Variants in FHIT observed in about 807,000 individuals in gnomAD.
The protein encoded by FHIT is fragile histidine triad diadenosine triphosphatase.
In FHIT, 19 loss-of-function variants were observed where a neutral mutation model predicts 17.9. The observed-to-expected ratio is 1.06, with a 90% CI of 0.74 to 1.56. The LOEUF is 1.56. FHIT is among the 40% of genes most tolerant of loss of function. FHIT has a pLI of 0.00. For missense variants in FHIT, 248 were observed against 189.2 expected (o/e 1.31, Z -1.82); for synonymous variants, 81 against 69.7 (o/e 1.16, Z -0.81).
intron 6 of FHIT, 36 bp downstream of exon 6, chr3:60,013,971 G>A (rs1559549172): frequency 6.2e-7 from 1 of 1,605,960 alleles, no homozygotes. Context: ...ATATGAAAGG[G>A]AAGAAAAATC....
In FHIT at chr3:61,209,491, T is replaced by C. The variant is rs537295938; in HGVS notation, c.-212-8826A>G. ...GATTTGGTCTTTTCACATAGTCCCA[T>C]ATTTCTTGGAGGCTTTGTTTGTTTC... On this transcript the variant is annotated intron_variant, in intron 1 of 9. Coordinates refer to ENST00000492590, the MANE Select transcript of FHIT (RefSeq NM_002012.4). Among the ~76,000 whole-genome samples, 135 of 151,704 alleles carry C rather than the reference T, an allele frequency of 8.9e-4. 1 individual carries two copies. Among genetic ancestry groups the C allele is most frequent in the African/African-American group, 3.2e-3 (134 of 41,346 alleles).
intron 5 of FHIT, among the ~76,000 whole-genome samples, chr3:60,501,292 T>C (rs1219072677): frequency 1.3e-5 from 2 of 150,082 alleles, no homozygotes; most frequent in African/African-American, 4.9e-5. Flanking sequence ...TAGCCACTAT[T>C]TATCTTATTT....
chr3:59,783,169 G>A (rs1274043359), intron 8 of FHIT, among the ~76,000 whole-genome samples: 1 of 152,092 alleles, frequency 6.6e-6, no homozygotes, highest in East Asian at 1.9e-4. Context: ...ATAGTACACA[G>A]GTTATTAAAA....
intron 5 of FHIT, among the ~76,000 whole-genome samples, chr3:60,519,586 AAATATT>A (rs58920222): frequency 0.35 from 53,423 of 151,756 alleles, 9,523 homozygotes; most frequent in Middle Eastern, 0.44. Context: ...AAACTAGAGA[AAATATT>A]AATATTAAGA....
intron 3 of FHIT, among the ~76,000 whole-genome samples, chr3:60,948,187 C>T (rs1708719945): frequency 6.6e-6 from 1 of 152,070 alleles, no homozygotes; most frequent in Non-Finnish European, 1.5e-5. Context: ...TCTTACAGGC[C>T]CATTCATCCC....
rs575665916 is a variant in FHIT at position 60,180,463 on chromosome 3, T to C, written c.104-166311A>G. On this transcript the variant is annotated intron_variant, in intron 5 of 9. Transcript: ENST00000492590. The stretch of plus-strand genomic sequence containing the variant: ...TCCCTGAAAGAAATGAAAAGAAAGC[T>C]GAAGGAATTTTCATGGAGACAAAAT... Among the ~76,000 whole-genome samples, 3 of 152,210 alleles carry C rather than the reference T, an allele frequency of 2.0e-5. No homozygotes were observed. In the East Asian group the frequency reaches 5.8e-4, roughly 29 times the overall value.
chr3:60,639,344 A>G (rs1022903166), intron 4 of FHIT, among the ~76,000 whole-genome samples: 6 of 152,064 alleles, frequency 3.9e-5, no homozygotes, highest in Non-Finnish European at 1.5e-5. Flanking sequence ...CCCTTGAGAT[A>G]TTTGCAAATT....
At chr3:60,928,231 C>T (rs2107350605) in intron 3 of FHIT, among the ~76,000 whole-genome samples, 1 of 151,966 alleles carries the variant, frequency 6.6e-6, no homozygotes, top group South Asian at 2.1e-4. Flanking sequence ...TGTTTATCTG[C>T]TGACCTTCTC....
intron 3 of FHIT, among the ~76,000 whole-genome samples, chr3:60,883,401 T>C (rs1705061259): frequency 6.6e-6 from 1 of 152,026 alleles, no homozygotes. Flanking sequence ...AGACCCCAAA[T>C]AGCCAAAGCA....
intron 5 of FHIT, among the ~76,000 whole-genome samples, chr3:60,102,743 G>A (rs906435676): frequency 1.3e-5 from 2 of 151,960 alleles, no homozygotes; most frequent in African/African-American, 4.8e-5. Context: ...GGCTCATAAA[G>A]ACCATTGTCA....
At chr3:59,978,757 G>A (rs1218164060) in intron 7 of FHIT, among the ~76,000 whole-genome samples, 1 of 151,128 alleles carries the variant, frequency 6.6e-6, no homozygotes, top group Non-Finnish European at 1.5e-5. Flanking sequence ...GCTCCCCAAA[G>A]CCCATACAGA....
At chr3:59,987,126 T>C (rs1709017084) in intron 7 of FHIT, among the ~76,000 whole-genome samples, 1 of 144,062 alleles carries the variant, frequency 6.9e-6, no homozygotes, top group African/African-American at 2.5e-5. Context: ...TTTATATAGA[T>C]ATAAAATATA....
intron 4 of FHIT, among the ~76,000 whole-genome samples, chr3:60,744,164 C>T (rs1309134166): frequency 3.3e-5 from 5 of 150,420 alleles, no homozygotes; most frequent in South Asian, 2.1e-4. Context: ...TCTCTCTTGC[C>T]GTCCACAGCA....
At chr3:60,166,262 A>G (rs1214860336) in intron 5 of FHIT, among the ~76,000 whole-genome samples, 1 of 152,136 alleles carries the variant, frequency 6.6e-6, no homozygotes, top group African/African-American at 2.4e-5. Context: ...CAGGAAATGT[A>G]TTTTTGAGGA....
chr3:60,261,771 T>A (rs1441455173), intron 5 of FHIT, among the ~76,000 whole-genome samples: 2 of 149,988 alleles, frequency 1.3e-5, no homozygotes, highest in African/African-American at 4.8e-5. Flanking sequence ...CTTCCTGCCC[T>A]TCTCCTCTGA....
At chr3:60,448,943 A>T (rs1419090477) in intron 5 of FHIT, among the ~76,000 whole-genome samples, 1 of 152,154 alleles carries the variant, frequency 6.6e-6, no homozygotes, top group African/African-American at 2.4e-5. Context: ...CCTTCATTCC[A>T]ACCAGTGCTT....
intron 4 of FHIT, among the ~76,000 whole-genome samples, chr3:60,630,895 T>C (rs539664618): frequency 8.4e-6 from 1 of 118,456 alleles, no homozygotes; most frequent in Non-Finnish European, 1.8e-5. Flanking sequence ...TTTTGGAAAA[T>C]AGCCACATGT....
chr3:60,096,540 C>A (rs1703956521), intron 5 of FHIT, among the ~76,000 whole-genome samples: 2 of 152,116 alleles, frequency 1.3e-5, no homozygotes, highest in Admixed American at 6.5e-5. Flanking sequence ...TCTGTTGGTT[C>A]GGAGGTGGGA....
At chr3:60,709,409 T>G (rs1160587135) in intron 4 of FHIT, among the ~76,000 whole-genome samples, 12 of 152,212 alleles carry the variant, frequency 7.9e-5, no homozygotes, top group Non-Finnish European at 1.8e-4. Flanking sequence ...TTCAAATAAC[T>G]GGATTTTTTC....
Sources: gnomAD v4.1 joint callset for allele counts (sites outside exome capture counted in the v4.1 genomes callset) on GRCh38, gnomAD v4.1.1 for gene constraint, MANE v1.5 for transcripts, NCBI Gene and HGNC (gene_info 2026-07-23, HGNC 2026-07-21) for gene names.